ZFHX3: variants seen among roughly 807,000 people sequenced by gnomAD.
ZFHX3 encodes the protein zinc finger homeobox 3, also known as zinc finger homeobox protein 3.
A neutral mutation model predicts 279.1 loss-of-function variants in ZFHX3; 42 were observed. The observed-to-expected ratio is 0.15, with a 90% confidence interval of 0.12 to 0.19. ZFHX3 has a LOEUF of 0.19. Ranked by LOEUF, ZFHX3 falls within the 10% of genes least tolerant of loss-of-function variation. ZFHX3 has a pLI of 1.00. For synonymous variants in ZFHX3, 2,293 were observed against 1,957.8 expected (o/e 1.17, Z -4.52); for missense variants, 4,981 against 4,754.0 (o/e 1.05, Z -1.40).
At chr16:73,445,153 T>TA (rs2018161005) in intron 3 of ZFHX3, among the ~76,000 whole-genome samples, 1 of 151,748 alleles carries the variant, frequency 6.6e-6, no homozygotes, top group Admixed American at 6.6e-5. Flanking sequence ...AAAAAAATCT[T>TA]TTCATATACA....
At chr16:73,641,615 G>C (rs1359399368) in intron 2 of ZFHX3, among the ~76,000 whole-genome samples, 1 of 152,020 alleles carries the variant, frequency 6.6e-6, no homozygotes, top group East Asian at 1.9e-4. Flanking sequence ...ATGGGAGGGG[G>C]GACAGAGTTG....
chr16:73,310,034 G>T (rs977888299), intron 4 of ZFHX3, among the ~76,000 whole-genome samples: 2 of 150,296 alleles, frequency 1.3e-5, no homozygotes, highest in South Asian at 4.2e-4. Flanking sequence ...TCAGCCTCCT[G>T]AGTAGCTGGG....
intron 8 of ZFHX3, among the ~76,000 whole-genome samples, chr16:73,090,102 A>G (rs1028828160): frequency 4.6e-5 from 7 of 152,250 alleles, no homozygotes; most frequent in African/African-American, 1.7e-4. Flanking sequence ...TATTTAAACT[A>G]TATCTGTGGG....
intron 1 of ZFHX3, among the ~76,000 whole-genome samples, chr16:73,800,790 G>GAAGT (rs1250734895): frequency 9.9e-5 from 15 of 152,160 alleles, no homozygotes; most frequent in African/African-American, 1.2e-4. Context: ...CCTCTGGGCT[G>GAAGT]AAGTTCAGAC....
At chr16:73,469,828 G>C (rs2018634391) in intron 2 of ZFHX3, among the ~76,000 whole-genome samples, 1 of 152,094 alleles carries the variant, frequency 6.6e-6, no homozygotes, top group Non-Finnish European at 1.5e-5. Flanking sequence ...ATCTTGGTCA[G>C]CCTGGTCTCG....
intron 2 of ZFHX3, among the ~76,000 whole-genome samples, chr16:73,530,446 C>T (rs1328719566): frequency 3.3e-5 from 5 of 152,168 alleles, no homozygotes; most frequent in Admixed American, 6.5e-5. Flanking sequence ...ATGTTTTCCA[C>T]GTCTGATAAA....
At chr16:73,104,172 C>G (rs1417649779) in intron 7 of ZFHX3, among the ~76,000 whole-genome samples, 1 of 152,140 alleles carries the variant, frequency 6.6e-6, no homozygotes, top group African/African-American at 2.4e-5. Context: ...TAACTGAATA[C>G]TTAATCTCCA....
chr16:73,077,572 A>G (rs546902800), intron 8 of ZFHX3, among the ~76,000 whole-genome samples: 218 of 152,230 alleles, frequency 1.4e-3, no homozygotes, highest in Non-Finnish European at 2.1e-3. Context: ...AAAAAGGCAT[A>G]TCTACTAGTG....
At chr16:73,701,920 C>T (rs1388572625) in intron 1 of ZFHX3, among the ~76,000 whole-genome samples, 2 of 151,766 alleles carry the variant, frequency 1.3e-5, no homozygotes, top group Non-Finnish European at 2.9e-5. Flanking sequence ...ATTTCTATCA[C>T]TGCACCCGTA....
At chr16:72,962,370 C>T (rs1961621794) in intron 1 of ZFHX3, among the ~76,000 whole-genome samples, 1 of 152,266 alleles carries the variant, frequency 6.6e-6, no homozygotes, top group South Asian at 2.1e-4. Flanking sequence ...ACCTCCCTTA[C>T]TTTGTTTTCT....
At position 73,615,716 on chromosome 16, in the gene ZFHX3, G is replaced by A. The variant is rs775613564; in HGVS notation, c.-1547+64464C>T. 1.1e-3 allele frequency among the ~76,000 whole-genome samples: 163 copies of A among 152,266 alleles called. 2 individuals are homozygous for A. Among genetic ancestry groups the A allele is most frequent in the Middle Eastern group, 6.8e-3 (2 of 294 alleles). Reference sequence around the variant, plus strand: ...GGATCTCTGCTATATTTGCAGAGACGTAATTTTATGCTGCTGGGGCTGAGC... The same window carrying A: ...GGATCTCTGCTATATTTGCAGAGACATAATTTTATGCTGCTGGGGCTGAGC... On this transcript the variant is annotated intron_variant, in intron 2 of 17. Transcript: ENST00000641206.
chr16:73,835,601 G>C (rs1017042870), intron 1 of ZFHX3, among the ~76,000 whole-genome samples: 1 of 149,682 alleles, frequency 6.7e-6, no homozygotes, highest in African/African-American at 2.5e-5. Context: ...CTCCCAAGTA[G>C]CTGGGATTAC....
intron 1 of ZFHX3, among the ~76,000 whole-genome samples, chr16:73,753,996 G>GTGTGTGTGTGTC (rs1282699513): frequency 6.6e-6 from 1 of 151,908 alleles, no homozygotes; most frequent in East Asian, 1.9e-4. Context: ...ATGTGTGTGT[G>GTGTGTGTGTGTC]TGTGTGTGTG....
chr16:73,500,460 T>C (rs1478079470), intron 2 of ZFHX3, among the ~76,000 whole-genome samples: 1 of 152,022 alleles, frequency 6.6e-6, no homozygotes, highest in African/African-American at 2.4e-5. Flanking sequence ...CCTGAGTAGC[T>C]GGGACTACAG....
chr16:73,057,638 G>C (rs1965587080), intron 1 of ZFHX3, among the ~76,000 whole-genome samples: 1 of 151,778 alleles, frequency 6.6e-6, no homozygotes, highest in Admixed American at 6.6e-5. Context: ...GGCCGGGCGA[G>C]GTCTGGCCCT....
chr16:73,020,186 C>T (rs940534340), intron 1 of ZFHX3, among the ~76,000 whole-genome samples: 2 of 152,194 alleles, frequency 1.3e-5, no homozygotes, highest in African/African-American at 4.8e-5. Flanking sequence ...AATTACTCTA[C>T]AGAGGCACCG....
At chr16:73,010,811 T>A (rs1435648931) in intron 1 of ZFHX3, among the ~76,000 whole-genome samples, 1 of 152,160 alleles carries the variant, frequency 6.6e-6, no homozygotes, top group South Asian at 2.1e-4. Context: ...TTTTATTTTA[T>A]TTTTTTACAC....
intron 3 of ZFHX3, among the ~76,000 whole-genome samples, chr16:73,359,500 G>T (rs2016400543): frequency 6.6e-6 from 1 of 152,168 alleles, no homozygotes. Context: ...GAAAAGTGCT[G>T]CAAACAGGAG....
intron 7 of ZFHX3, among the ~76,000 whole-genome samples, chr16:73,110,432 C>T (rs7184508): frequency 0.35 from 53,134 of 151,470 alleles, 9,570 homozygotes; most frequent in Admixed American, 0.46. Context: ...ATATTTTAAC[C>T]TGAATTTCCC....
Sources: gnomAD v4.1 joint callset for allele counts (sites outside exome capture counted in the v4.1 genomes callset) on GRCh38, gnomAD v4.1.1 for gene constraint, MANE v1.5 for transcripts, NCBI Gene and HGNC (gene_info 2026-07-23, HGNC 2026-07-21) for gene names.